The following WLS variants were observed in gnomAD, a reference collection of about 807,000 sequenced individuals.
The protein encoded by WLS is protein wntless homolog.
WLS carries 23 observed loss-of-function variants against 62.8 expected under a neutral mutation model. That is an observed-to-expected ratio of 0.37 (90% CI 0.26 to 0.52). The LOEUF is 0.52. Ranked by LOEUF, WLS falls within the 20% of genes least tolerant of loss-of-function variation. The probability of loss-of-function intolerance (pLI) is 0.92; values close to 1 mark genes in which losing one functional copy is unlikely to be tolerated. For missense variants in WLS, 615 were observed against 697.3 expected (o/e 0.88, Z 1.33); for synonymous variants, 246 against 244.1 (o/e 1.01, Z -0.07).
chr1:68,163,032 C>T, intron 2 of WLS: 1 of 1,588,030 alleles, frequency 6.3e-7, no homozygotes, highest in Non-Finnish European at 8.6e-7. Flanking sequence ...GGGGCGGATA[C>T]CTTCACAAAT....
intron 1 of WLS, among the ~76,000 whole-genome samples, 178 bp from the exon 2 acceptor site, chr1:68,194,405 G>A (rs189654670): frequency 1.3e-5 from 2 of 152,098 alleles, no homozygotes; most frequent in Non-Finnish European, 2.9e-5. Flanking sequence ...GACCTCCAGA[G>A]GTGTCATAAC....
intron 3 of WLS, among the ~76,000 whole-genome samples, chr1:68,155,675 G>C (rs1274854245): frequency 6.6e-6 from 1 of 152,218 alleles, no homozygotes; most frequent in African/African-American, 2.4e-5. Flanking sequence ...CTTCTTAAAC[G>C]TTCAGGTGGA....
chr1:68,117,301 T>A (rs1471865717), intron 11 of WLS: 1 of 152,208 alleles, frequency 6.6e-6, no homozygotes, highest in East Asian at 1.9e-4. Flanking sequence ...TATAATTTTT[T>A]AAACAACATG....
chr1:68,110,815 T>C (rs2100326970), intron 11 of WLS, among the ~76,000 whole-genome samples: 1 of 152,146 alleles, frequency 6.6e-6, no homozygotes, highest in East Asian at 1.9e-4. Flanking sequence ...ATTCAATAAA[T>C]GGTGCTGAGA....
chr1:68,098,957 C>A (rs1646042835), intron 11 of WLS: 11 of 660,384 alleles, frequency 1.7e-5, no homozygotes, highest in Non-Finnish European at 2.6e-5. Flanking sequence ...ATCTCAATAG[C>A]ACCTCCTCCC....
intron 3 of WLS, 119 bp from the exon 4 acceptor site, chr1:68,155,379 T>C (rs1484044807): frequency 3.2e-6 from 4 of 1,267,842 alleles, no homozygotes; most frequent in South Asian, 3.4e-5. Context: ...AGGTACACTT[T>C]AGACGTACAG....
intron 2 of WLS, among the ~76,000 whole-genome samples, chr1:68,192,306 T>A (rs923155854): frequency 1.3e-5 from 2 of 152,138 alleles, no homozygotes; most frequent in African/African-American, 2.4e-5. Context: ...TACAGATACA[T>A]GAAAATCATA....
intron 2 of WLS, among the ~76,000 whole-genome samples, chr1:68,169,616 G>A (rs1184758506): frequency 3.9e-5 from 6 of 152,080 alleles, no homozygotes; most frequent in African/African-American, 1.4e-4. Flanking sequence ...ACTCTACTAG[G>A]TGTCTTTCAG....
intron 8 of WLS, among the ~76,000 whole-genome samples, chr1:68,146,920 T>C (rs545218317): frequency 3.3e-5 from 5 of 152,196 alleles, no homozygotes; most frequent in Admixed American, 6.5e-5. Flanking sequence ...AGTTTTGCTT[T>C]TGTTGCCCGG....
At chr1:68,134,127 C>T (rs1009451579) in intron 11 of WLS, among the ~76,000 whole-genome samples, 5 of 152,204 alleles carry the variant, frequency 3.3e-5, no homozygotes, top group African/African-American at 1.2e-4. Context: ...TGTAAAGACA[C>T]ATGTATCCTT....
At chr1:68,173,622 T>A (rs1280020760) in intron 2 of WLS, among the ~76,000 whole-genome samples, 1 of 152,130 alleles carries the variant, frequency 6.6e-6, no homozygotes, top group African/African-American at 2.4e-5. Flanking sequence ...CACAGGTCAG[T>A]TCTTCAAAGA....
intron 11 of WLS, among the ~76,000 whole-genome samples, chr1:68,106,373 T>C (rs528149113): frequency 6.6e-6 from 1 of 152,180 alleles, no homozygotes; most frequent in East Asian, 1.9e-4. Context: ...GCCTGGGTGA[T>C]GATGTCCTCA....
chr1:68,178,778 TGAA>T (rs1647385747), intron 2 of WLS, among the ~76,000 whole-genome samples: 1 of 152,070 alleles, frequency 6.6e-6, no homozygotes, highest in Non-Finnish European at 1.5e-5. Flanking sequence ...AATTGTATTA[TGAA>T]GAATAAGGAC....
rs1183027192 is a variant in WLS, at chr1:68,139,067, A to G, written c.1363-1134T>C. 2.0e-5 allele frequency among the ~76,000 whole-genome samples: 3 copies of G among 152,236 alleles called. No individual in the cohort carries two copies. The East Asian group carries it at 5.8e-4, about 29-fold the overall frequency. ...TATAGGTATTTTTTTCTGAAAGACC[A>G]GGAGTGTCAGTTAACCACATTAGCC... On this transcript the variant is annotated intron_variant, in intron 10 of 11. Transcript: ENST00000262348.
intron 1 of WLS, among the ~76,000 whole-genome samples, chr1:68,229,095 A>G (rs1399252381): frequency 6.6e-6 from 1 of 152,112 alleles, no homozygotes; most frequent in Non-Finnish European, 1.5e-5. Context: ...ACACAATTTT[A>G]GAACCGAAAG....
intron 2 of WLS, among the ~76,000 whole-genome samples, chr1:68,174,412 A>T (rs945600913): frequency 6.6e-6 from 1 of 152,230 alleles, no homozygotes; most frequent in Non-Finnish European, 1.5e-5. Context: ...CAGCCAGGAC[A>T]TTCCTCGAGT....
intron 11 of WLS, chr1:68,102,745 A>G (rs1395709680): frequency 6.6e-6 from 1 of 152,244 alleles, no homozygotes; most frequent in Non-Finnish European, 1.5e-5. Context: ...GCCAAAAATC[A>G]TATGCCCCTC....
intron 1 of WLS, among the ~76,000 whole-genome samples, chr1:68,217,618 A>G (rs571906181): frequency 6.6e-6 from 1 of 152,304 alleles, no homozygotes; most frequent in South Asian, 2.1e-4. Flanking sequence ...GTGTGAACAC[A>G]CGCACACAAA....
At chr1:68,107,309 T>G (rs922770837) in intron 11 of WLS, among the ~76,000 whole-genome samples, 7 of 146,956 alleles carry the variant, frequency 4.8e-5, no homozygotes, top group Non-Finnish European at 7.5e-5. Flanking sequence ...TTTTTTTTTT[T>G]GCTATTAACA....
Sources: allele counts gnomAD v4.1 joint callset (sites outside exome capture counted in the v4.1 genomes callset), GRCh38; gene constraint gnomAD v4.1.1; transcripts MANE v1.5; gene names NCBI Gene and HGNC (gene_info 2026-07-23, HGNC 2026-07-21).